KAT6B: variants seen among roughly 807,000 people sequenced by gnomAD.
KAT6B encodes the protein histone acetyltransferase KAT6B.
A neutral mutation model predicts 187.5 loss-of-function variants in KAT6B; 10 were observed. That is an observed-to-expected ratio of 0.05 (90% confidence interval 0.03 to 0.09). KAT6B has a LOEUF of 0.09. Among genes scored for constraint, KAT6B ranks in the 10% least tolerant of loss-of-function variants. The pLI is 1.00. For missense variants in KAT6B, 1,952 were observed against 2,558.9 expected (o/e 0.76, Z 5.12); for synonymous variants, 861 against 926.8 (o/e 0.93, Z 1.29).
chr10:74,963,257 C>A, intron 4 of KAT6B, among the ~76,000 whole-genome samples: 1 of 152,290 alleles, frequency 6.6e-6, no homozygotes, highest in African/African-American at 2.4e-5. Flanking sequence ...CTCTTTGCCT[C>A]ATTAAGACCA....
upstream of KAT6B, among the ~76,000 whole-genome samples, chr10:74,826,139 GT>G (rs1840194746): frequency 6.8e-6 from 1 of 146,842 alleles, no homozygotes; most frequent in Non-Finnish European, 1.5e-5. Context: ...GGGGTTTGGG[GT>G]TGAGTGGGGG....
intron 13 of KAT6B, among the ~76,000 whole-genome samples, chr10:75,020,351 C>G (rs1217783103): frequency 3.3e-5 from 5 of 152,214 alleles, no homozygotes; most frequent in African/African-American, 1.2e-4. Flanking sequence ...GTTTGGAATG[C>G]TGCTGCTAGC....
intron 13 of KAT6B, among the ~76,000 whole-genome samples, chr10:75,002,535 G>C (rs568030816): frequency 6.6e-6 from 1 of 152,078 alleles, no homozygotes; most frequent in Non-Finnish European, 1.5e-5. Flanking sequence ...ACATCATAGT[G>C]TATGTACTTA....
chr10:74,927,013 A>G (rs1393539932), intron 3 of KAT6B, among the ~76,000 whole-genome samples: 4 of 152,232 alleles, frequency 2.6e-5, no homozygotes, highest in African/African-American at 7.2e-5. Context: ...AATCATCACA[A>G]TGTTGATCAT....
At chr10:74,996,626 G>C (rs1332001148) in intron 13 of KAT6B, among the ~76,000 whole-genome samples, 1 of 152,062 alleles carries the variant, frequency 6.6e-6, no homozygotes, top group Non-Finnish European at 1.5e-5. Context: ...AAAATTAGCT[G>C]GGTGTGGTGG....
intron 3 of KAT6B, among the ~76,000 whole-genome samples, chr10:74,933,429 T>C (rs937274218): frequency 6.6e-6 from 1 of 152,170 alleles, no homozygotes; most frequent in African/African-American, 2.4e-5. Flanking sequence ...TTTGAGTAGA[T>C]GTTGATTAAT....
chr10:74,864,230 A>G (rs1040926491), intron 3 of KAT6B, among the ~76,000 whole-genome samples: 43 of 151,346 alleles, frequency 2.8e-4, no homozygotes, highest in African/African-American at 1.0e-3. Flanking sequence ...CACCATGCCC[A>G]GCTAATTTTT....
intron 13 of KAT6B, among the ~76,000 whole-genome samples, chr10:75,010,590 C>T (rs1003072407): frequency 6.6e-6 from 1 of 152,186 alleles, no homozygotes; most frequent in Non-Finnish European, 1.5e-5. Flanking sequence ...CACATATACA[C>T]ACAGCATTTT....
intron 1 of KAT6B, among the ~76,000 whole-genome samples, chr10:74,834,889 T>C (rs1290373573): frequency 3.3e-5 from 5 of 152,260 alleles, no homozygotes; most frequent in Non-Finnish European, 7.3e-5. Flanking sequence ...GGTGTCCCTT[T>C]TGTTTGACAG....
At position 75,029,387 on chromosome 10, in the gene KAT6B, G is replaced by A. The variant is rs1299268973; in HGVS notation, c.4563G>A (p.Lys1521=). The A allele has an allele frequency of 1.9e-6, 3 of 1,614,110 alleles. No homozygotes were observed. Among genetic ancestry groups the A allele is most frequent in the East Asian group, 2.2e-5 (1 of 44,872 alleles). The part of the protein sequence containing the change: ...QAQKQDQKNS[K]EVDTEFKEGN... Reference sequence around the variant, plus strand: ...AGAAGCAGGACCAAAAGAACAGCAAGGAAGTCGATACAGAGTTCAAAGAGG... The same window carrying A: ...AGAAGCAGGACCAAAAGAACAGCAAAGAAGTCGATACAGAGTTCAAAGAGG... The change falls in exon 18 of 18, where the codon AAG becomes AAA. Residue 1521 remains lysine (K), a synonymous_variant. Coordinates refer to ENST00000287239, the MANE Select transcript of KAT6B (RefSeq NM_012330.4). The surrounding 1 kb of genome is among the most constrained non-coding windows in gnomAD (Gnocchi z 6.2).
intron 13 of KAT6B, among the ~76,000 whole-genome samples, chr10:75,004,200 G>A (rs1313843302): frequency 1.3e-5 from 2 of 152,100 alleles, no homozygotes; most frequent in African/African-American, 4.8e-5. Context: ...CAGCAGAACT[G>A]GAACAAAATG....
intron 3 of KAT6B, among the ~76,000 whole-genome samples, chr10:74,948,565 G>A (rs1840100513): frequency 6.6e-6 from 1 of 152,170 alleles, no homozygotes; most frequent in African/African-American, 2.4e-5. Context: ...TCTCTTGGCA[G>A]GATTAATAGT....
chr10:74,977,074 C>T (rs974055433), intron 8 of KAT6B: 1 of 414,692 alleles, frequency 2.4e-6, no homozygotes, highest in African/African-American at 2.0e-5. Flanking sequence ...CTTACTTTCC[C>T]TCATATATTT....
intron 8 of KAT6B, 68 bp from the exon 9 acceptor site, chr10:74,977,248 T>G: frequency 1.9e-6 from 3 of 1,574,940 alleles, no homozygotes; most frequent in Non-Finnish European, 2.6e-6. Context: ...GGTGCCATTT[T>G]GGTAATATAT....
chr10:74,835,432 A>G (rs1396961968), intron 1 of KAT6B, among the ~76,000 whole-genome samples: 1 of 152,102 alleles, frequency 6.6e-6, no homozygotes, highest in Non-Finnish European at 1.5e-5. Context: ...ATATATGTAA[A>G]ACAGTTAAAG....
intron 2 of KAT6B, among the ~76,000 whole-genome samples, chr10:74,840,024 C>T (rs1215990828): frequency 2.0e-5 from 3 of 152,056 alleles, no homozygotes; most frequent in South Asian, 2.1e-4. Context: ...TGAAATTGAA[C>T]GGTAATAAAC....
chr10:74,978,791 A>G (rs1348083598), intron 9 of KAT6B, among the ~76,000 whole-genome samples: 2 of 152,230 alleles, frequency 1.3e-5, no homozygotes, highest in Non-Finnish European at 2.9e-5. Flanking sequence ...TACTTCGTGG[A>G]GGAATAGGAA....
At chr10:74,978,757 T>C (rs909943825) in intron 9 of KAT6B, among the ~76,000 whole-genome samples, 1 of 152,192 alleles carries the variant, frequency 6.6e-6, no homozygotes, top group Non-Finnish European at 1.5e-5. Context: ...CAATTGATTA[T>C]TTAATTACAG....
intron 13 of KAT6B, among the ~76,000 whole-genome samples, chr10:74,999,351 G>T (rs999330857): frequency 6.6e-6 from 1 of 152,202 alleles, no homozygotes; most frequent in Non-Finnish European, 1.5e-5. Context: ...TCAGCAGGGG[G>T]TCTGCATTAG....
Sources: allele counts gnomAD v4.1 joint callset (sites outside exome capture counted in the v4.1 genomes callset), GRCh38; gene constraint gnomAD v4.1.1; non-coding constraint Gnocchi (gnomAD v3.1); transcripts MANE v1.5; gene names NCBI Gene and HGNC (gene_info 2026-07-23, HGNC 2026-07-21).